Variants in BPTF observed in about 807,000 individuals in gnomAD.
The protein encoded by BPTF is nucleosome-remodeling factor subunit BPTF.
In BPTF, 18 loss-of-function variants were observed where a neutral mutation model predicts 292.5. That is an observed-to-expected ratio of 0.06 (90% confidence interval 0.04 to 0.09). The LOEUF is 0.09. BPTF is among the 10% of genes least tolerant of loss of function. The probability of loss-of-function intolerance (pLI) is 1.00; values close to 1 mark genes in which losing one functional copy is unlikely to be tolerated. For synonymous variants in BPTF, 1,225 were observed against 1,251.9 expected (o/e 0.98, Z 0.45); for missense variants, 2,726 against 3,498.7 (o/e 0.78, Z 5.57).
chr17:67,881,991 C>T (rs888313449), intron 4 of BPTF, among the ~76,000 whole-genome samples: 14 of 150,838 alleles, frequency 9.3e-5, no homozygotes, highest in African/African-American at 3.4e-4. Context: ...CCCACAACCA[C>T]ACCCAGCTAA....
chr17:67,889,490 A>T (rs1217837948), intron 4 of BPTF, among the ~76,000 whole-genome samples: 1 of 152,162 alleles, frequency 6.6e-6, no homozygotes, highest in Non-Finnish European at 1.5e-5. Context: ...TAACCACCAT[A>T]GTTCAACATC....
chr17:67,942,192 T>G (rs1286688373), intron 19 of BPTF, among the ~76,000 whole-genome samples: 1 of 152,064 alleles, frequency 6.6e-6, no homozygotes, highest in Non-Finnish European at 1.5e-5. Context: ...GGTGTACGCC[T>G]GTAATCCCAG....
chr17:67,891,982 A>C lies in BPTF; in HGVS notation c.2003A>C (p.Gln668Pro). The C allele has an allele frequency of 1.2e-6, 2 of 1,609,766 alleles. No individual in the cohort carries two copies. Among genetic ancestry groups the C allele is most frequent in the Non-Finnish European group, 1.7e-6 (2 of 1,178,302 alleles). ...DSKLSQLKSQ[Q>P]VAAAAHEANK... The stretch of plus-strand genomic sequence containing the variant: ...AAACTTAGTCAGCTGAAGAGCCAGC[A>C]GGTGGCAGCCGCTGCACATGAAGCA... Residue 668 changes from glutamine to proline, a missense_variant, in exon 5 of 28, where the codon CAG (glutamine) becomes CCG (proline). Gln to Pro is a moderately conservative substitution (Grantham distance 76). Around this residue, in one of 22 missense-constraint regions of BPTF, gnomAD observed 63 missense variants for 84.1 expected, o/e 0.75. Transcript: ENST00000306378.
At chr17:67,931,496 T>TA (rs1475616657) in intron 17 of BPTF, among the ~76,000 whole-genome samples, 1 of 151,946 alleles carries the variant, frequency 6.6e-6, no homozygotes, top group Non-Finnish European at 1.5e-5. Flanking sequence ...AATAAATAAA[T>TA]AAATAATTTT....
At chr17:67,870,228 C>T (rs73995046) in intron 3 of BPTF, among the ~76,000 whole-genome samples, 4,545 of 149,688 alleles carry the variant, frequency 0.03, 246 homozygotes, top group African/African-American at 0.1. Context: ...ATCTGGACCC[C>T]AAAAATGACA....
chr17:67,978,121 TG>T (rs1347741074), intron 27 of BPTF: 3 of 152,038 alleles, frequency 2.0e-5, no homozygotes, highest in Non-Finnish European at 4.4e-5. Context: ...CCCAAAGTGC[TG>T]GGATTACGGG....
intron 4 of BPTF, among the ~76,000 whole-genome samples, chr17:67,881,101 AT>A (rs2060373606): frequency 6.6e-6 from 1 of 152,146 alleles, no homozygotes; most frequent in Non-Finnish European, 1.5e-5. Context: ...AAATTGTAGT[AT>A]AAAAAATGAT....
At chr17:67,900,151 C>T (rs1288678825) in intron 7 of BPTF, among the ~76,000 whole-genome samples, 1 of 152,030 alleles carries the variant, frequency 6.6e-6, no homozygotes, top group Non-Finnish European at 1.5e-5. Flanking sequence ...GTCGCCCAGG[C>T]TAGAGGGCAG....
At chr17:67,964,726 C>T (rs561067737) in intron 25 of BPTF, among the ~76,000 whole-genome samples, 76 of 152,292 alleles carry the variant, frequency 5.0e-4, no homozygotes, top group Admixed American at 4.4e-3. Flanking sequence ...CTTGGCCGGG[C>T]ATGGTGGCTC....
intron 7 of BPTF, among the ~76,000 whole-genome samples, chr17:67,899,533 C>CTT (rs573598642): frequency 4.5e-4 from 61 of 135,068 alleles, no homozygotes; most frequent in African/African-American, 1.4e-3. Context: ...AGTTTTTTTT[C>CTT]TTTTTTTTTT....
rs1177913494 is a variant in BPTF, at chr17:67,911,235, T to C, written c.3351T>C (p.Ser1117=). 2.5e-6 allele frequency: 4 copies of C among 1,613,920 alleles called. No homozygotes were observed. The African/African-American group carries it at 4.0e-5, about 16-fold the overall frequency. ...CGAAAGCAAAAGAAGGGTGTCAGAG[T>C]GACTCGATGAGACAAGAACAGAGCC... ...VITKAKEGCQ[S]DSMRQEQSPN... The change falls in exon 11 of 28, where the codon AGT becomes AGC. Residue 1117 remains serine, a synonymous_variant. Transcript: ENST00000306378.
chr17:67,948,640 C>G (rs2065993004), intron 23 of BPTF, among the ~76,000 whole-genome samples: 1 of 152,106 alleles, frequency 6.6e-6, no homozygotes, highest in African/African-American at 2.4e-5. Context: ...GAGAAAGGTA[C>G]AGAGACAGTG....
At position 67,945,827 on chromosome 17, in the gene BPTF, A is replaced by T; in HGVS notation, c.7119A>T (p.Gln2373His). 1 of 1,613,898 alleles carries T rather than the reference A, an allele frequency of 6.2e-7. No individual in the cohort carries two copies. Among genetic ancestry groups the T allele is most frequent in the African/African-American group, 1.3e-5 (1 of 74,914 alleles). ...QQSQVQTTTS[Q>H]PIPIQPHTSL... ...CCCAGGTTCAGACTACAACCTCACA[A>T]CCGATTCCAATTCAACCACATACAT... The change falls in exon 21 of 28, where the codon CAA (glutamine) becomes CAT (histidine). Residue 2373 changes from glutamine to histidine, a missense_variant. Around this residue, in one of 22 missense-constraint regions of BPTF, gnomAD observed 570 missense variants for 633.5 expected, o/e 0.90. Coordinates refer to ENST00000306378, the MANE Select transcript of BPTF (RefSeq NM_182641.4).
chr17:67,949,585 AAGT>A (rs1426937991), intron 23 of BPTF, among the ~76,000 whole-genome samples: 2 of 151,964 alleles, frequency 1.3e-5, no homozygotes, highest in Non-Finnish European at 2.9e-5. Context: ...AAAAAAAAAA[AAGT>A]AGACATCTAT....
intron 27 of BPTF, chr17:67,977,836 T>G (rs1455671194): frequency 2.7e-5 from 4 of 149,452 alleles, no homozygotes; most frequent in African/African-American, 9.8e-5. Context: ...AGAGGGAGAT[T>G]CCATCTCAAA....
chr17:67,875,820 T>C, intron 4 of BPTF: 1 of 1,220,768 alleles, frequency 8.2e-7, no homozygotes, highest in Non-Finnish European at 1.1e-6. Flanking sequence ...GAATGTCACC[T>C]AAAACCTTAA....
In BPTF at chr17:67,912,142, G is replaced by T; in HGVS notation, c.4258G>T (p.Gly1420Cys). Residue 1420 changes from glycine to cysteine, a missense_variant, in exon 11 of 28, where the codon GGT becomes TGT. By Grantham distance (159) the Gly-to-Cys change is radical. Around this residue, in one of 22 missense-constraint regions of BPTF, gnomAD observed 713 missense variants for 714.9 expected, o/e 1.00. Transcript: ENST00000306378. ...TAATAAACCCAAAATATATTTGAAA[G>T]GTGAATGCTTGAAAGAAATTTCTGA... ...KDNKPKIYLKGECLKEISESR... is the reference protein window; with the variant it reads ...KDNKPKIYLKCECLKEISESR... 1 of 1,612,068 alleles carries T rather than the reference G, an allele frequency of 6.2e-7. No homozygotes were observed. Among genetic ancestry groups the T allele is most frequent in the Non-Finnish European group, 8.5e-7 (1 of 1,179,200 alleles).
intron 2 of BPTF, among the ~76,000 whole-genome samples, chr17:67,857,239 G>T (rs2058749972): frequency 7.1e-6 from 1 of 139,978 alleles, no homozygotes; most frequent in African/African-American, 2.6e-5. Context: ...TCGGCTTACT[G>T]CAAGCTCCGC....
chr17:67,884,596 C>T (rs946734244), intron 4 of BPTF, among the ~76,000 whole-genome samples: 4 of 151,552 alleles, frequency 2.6e-5, no homozygotes, highest in Admixed American at 6.6e-5. Flanking sequence ...TTGTATTTTT[C>T]GTAGTGATGG....
Sources: gnomAD v4.1 joint callset for allele counts (sites outside exome capture counted in the v4.1 genomes callset) on GRCh38, gnomAD v4.1.1 for gene constraint, gnomAD v4.1.1 regional missense constraint, MANE v1.5 for transcripts, NCBI Gene and HGNC (gene_info 2026-07-23, HGNC 2026-07-21) for gene names.